Variants in SEPTIN11 observed in about 807,000 individuals in gnomAD.
The protein encoded by SEPTIN11 is septin 11, also known as septin-11.
SEPTIN11 carries 25 observed loss-of-function variants against 51.4 expected under a neutral mutation model. The observed-to-expected ratio is 0.49, with a 90% CI of 0.35 to 0.68. The LOEUF is 0.68. SEPTIN11 is among the 30% of genes least tolerant of loss of function. The pLI, the probability that SEPTIN11 is intolerant of heterozygous loss-of-function variation, is 0.00. For missense variants in SEPTIN11, 381 were observed against 520.8 expected (o/e 0.73, Z 2.61); for synonymous variants, 174 against 184.1 (o/e 0.95, Z 0.44).
intron 1 of SEPTIN11, among the ~76,000 whole-genome samples, chr4:76,986,329 T>C (rs1264475265): frequency 6.6e-6 from 1 of 151,388 alleles, no homozygotes; most frequent in East Asian, 1.9e-4. Flanking sequence ...CACCGAGATG[T>C]TGGCTTAGAG....
chr4:76,971,837 G>A (rs925133268), intron 1 of SEPTIN11, among the ~76,000 whole-genome samples: 8 of 152,204 alleles, frequency 5.3e-5, no homozygotes, highest in Non-Finnish European at 8.8e-5. Flanking sequence ...TTTAAAGAAC[G>A]TGGTGAAGGT....
At position 76,996,883 on chromosome 4, in the gene SEPTIN11, C is replaced by CTTTT. The variant is rs567525535; in HGVS notation, c.142+358_142+361dup. Among the ~76,000 whole-genome samples the CTTTT allele has an allele frequency of 7.4e-4, 94 of 126,320 alleles. 1 individual carries two copies. The highest frequency in any genetic ancestry group is 2.4e-3 in the African/African-American group (81 of 33,826). The allele number at this position is 126,320 out of a possible 152,430, so 82.9% of individuals were successfully genotyped here. ...TTTTTCTTCACCCCTCTAGCCATAT[C>CTTTT]TTTTTTTTTTTTTTTTTGAGGAGTC... On this transcript the variant is annotated intron_variant, in intron 2 of 9. Transcript: ENST00000264893.
At chr4:77,025,495 T>C (rs1235035710) in intron 7 of SEPTIN11, among the ~76,000 whole-genome samples, 2 of 151,872 alleles carry the variant, frequency 1.3e-5, no homozygotes, top group African/African-American at 2.4e-5. Flanking sequence ...TGGTGAGCTA[T>C]GATCCTGCTC....
intron 3 of SEPTIN11, among the ~76,000 whole-genome samples, chr4:77,006,075 T>C (rs1185918980): frequency 6.6e-6 from 1 of 152,136 alleles, no homozygotes; most frequent in African/African-American, 2.4e-5. Context: ...ACAAAGGCCA[T>C]GAAACCAGGT....
chr4:76,976,981 G>GT (rs917430896), intron 1 of SEPTIN11, among the ~76,000 whole-genome samples: 3 of 152,036 alleles, frequency 2.0e-5, no homozygotes, highest in Admixed American at 6.5e-5. Context: ...TAGTTTTTAT[G>GT]TTTTTTTCCT....
Position 77,028,758 on chromosome 4 carries a change from A to G in SEPTIN11, c.1083A>G (p.Lys361=), listed in dbSNP as rs1160044669. The G allele has an allele frequency of 1.9e-6, 3 of 1,611,676 alleles. No homozygotes were observed. The highest frequency in any genetic ancestry group is 2.5e-6 in the Non-Finnish European group (3 of 1,179,240). The change falls in exon 8 of 10, where the codon AAA becomes AAG. Residue 361 remains lysine, a synonymous_variant. Transcript: ENST00000264893. ...AAGCTGAACTTAAGGAGGCAGAGAAAGAGGTAAGCCATCTGTCCTGCTTCA... is the reference window on the plus strand; with the variant it reads ...AAGCTGAACTTAAGGAGGCAGAGAAGGAGGTAAGCCATCTGTCCTGCTTCA... ...EKEAELKEAE[K]ELHEKFDLLK...
At chr4:77,020,457 C>A in intron 6 of SEPTIN11, 45 bp from the exon 7 acceptor site, 1 of 1,594,138 alleles carries the variant, frequency 6.3e-7, no homozygotes, top group South Asian at 1.1e-5. Flanking sequence ...ATTTCAGTGA[C>A]ATCATTGCTA....
chr4:77,033,167 A>G (rs1459898198), intron 9 of SEPTIN11, among the ~76,000 whole-genome samples: 1 of 152,016 alleles, frequency 6.6e-6, no homozygotes, highest in Non-Finnish European at 1.5e-5. Flanking sequence ...AAGAAAAAAA[A>G]AAATCACACC....
intron 1 of SEPTIN11, among the ~76,000 whole-genome samples, chr4:76,966,623 A>C (rs1428056228): frequency 1.3e-5 from 2 of 151,856 alleles, no homozygotes; most frequent in Non-Finnish European, 2.9e-5. Flanking sequence ...GCACTTTGGG[A>C]GGCCGAGGAA....
At chr4:76,986,168 G>A (rs528904078) in intron 1 of SEPTIN11, among the ~76,000 whole-genome samples, 56 of 152,240 alleles carry the variant, frequency 3.7e-4, no homozygotes, top group Middle Eastern at 3.4e-3. Context: ...CAAGAGGGTG[G>A]AGGTCTATAA....
chr4:76,986,424 G>C (rs934073691), intron 1 of SEPTIN11, among the ~76,000 whole-genome samples: 1 of 152,072 alleles, frequency 6.6e-6, no homozygotes, highest in Non-Finnish European at 1.5e-5. Context: ...GTTAGCTTAT[G>C]GTTGGCTATT....
intron 4 of SEPTIN11, 139 bp downstream of exon 4, chr4:77,012,060 G>T (rs185424585): frequency 2.8e-5 from 14 of 504,940 alleles, no homozygotes; most frequent in Admixed American, 8.3e-5. Flanking sequence ...TGAGAAAAAC[G>T]CTTCAAAACC....
chr4:77,020,862 T>G, intron 7 of SEPTIN11, 192 bp downstream of exon 7: 1 of 574,800 alleles, frequency 1.7e-6, no homozygotes, highest in Non-Finnish European at 3.0e-6. Flanking sequence ...ACCTAGTTGA[T>G]GTCATTATTA....
chr4:76,992,105 G>A (rs558890402), intron 1 of SEPTIN11, among the ~76,000 whole-genome samples: 1 of 152,168 alleles, frequency 6.6e-6, no homozygotes, highest in African/African-American at 2.4e-5. Context: ...CTTACTTAGT[G>A]GTTCTGTGTT....
chr4:76,958,397 G>A (rs1440114708), intron 1 of SEPTIN11, among the ~76,000 whole-genome samples: 1 of 152,170 alleles, frequency 6.6e-6, no homozygotes, highest in Non-Finnish European at 1.5e-5. Flanking sequence ...CCTCAGGGGT[G>A]ATTACTCTAC....
At position 77,034,693 on chromosome 4, in the gene SEPTIN11, A is replaced by G. The variant is rs1223867510; in HGVS notation, c.*181A>G. On this transcript the variant is annotated 3_prime_UTR_variant, in exon 10 of 10. Transcript: ENST00000264893. ...GTTGGGTGGTAGAAAATGATAGAAC[A>G]AGGGAATAACCGCGAATGCTCTGTG... 1 of 1,319,320 alleles carries G rather than the reference A, an allele frequency of 7.6e-7. No homozygotes were observed. The highest frequency in any genetic ancestry group is 9.7e-7 in the Non-Finnish European group (1 of 1,033,024). The allele number at this position is 1,319,320 out of a possible 1,614,324, so 81.7% of individuals were successfully genotyped here.
intron 4 of SEPTIN11, 143 bp from the exon 5 acceptor site, chr4:77,014,713 C>CA (rs11420968): frequency 0.42 from 321,138 of 765,778 alleles, 70,051 homozygotes; most frequent in Non-Finnish European, 0.44. Flanking sequence ...TTATGGGGTA[C>CA]ATGAGATGTT....
chr4:76,949,754 G>C lies in SEPTIN11; in HGVS notation c.-150G>C. On this transcript the variant is annotated 5_prime_UTR_variant, in exon 1 of 10. Coordinates refer to ENST00000264893, the MANE Select transcript of SEPTIN11 (RefSeq NM_018243.4). ...CGGGAGGGGCGGCGGCGTGGGGGGA[G>C]CAGATGCCGCTGGCTGCCAGCGGGA... 1 of 738,320 alleles carries C rather than the reference G, an allele frequency of 1.4e-6. No homozygotes were observed. The highest frequency in any genetic ancestry group is 2.1e-6 in the Non-Finnish European group (1 of 474,148). 45.7% of individuals were successfully genotyped at this position (738,320 alleles called of 1,614,324 possible). A position where few individuals can be genotyped will look rare whatever the true frequency, so the allele number is the denominator to read the frequency against.
intron 1 of SEPTIN11, among the ~76,000 whole-genome samples, chr4:76,991,073 C>G (rs749422268): frequency 6.6e-6 from 1 of 152,200 alleles, no homozygotes; most frequent in Non-Finnish European, 1.5e-5. Flanking sequence ...CCCTGCTGGT[C>G]AGCAGCTTCT....
Sources: gnomAD v4.1 joint callset for allele counts (sites outside exome capture counted in the v4.1 genomes callset) on GRCh38, gnomAD v4.1.1 for gene constraint, MANE v1.5 for transcripts, NCBI Gene and HGNC (gene_info 2026-07-23, HGNC 2026-07-21) for gene names.